FTO: variants seen among roughly 807,000 people sequenced by gnomAD.
The protein encoded by FTO is alpha-ketoglutarate-dependent dioxygenase FTO.
FTO carries 47 observed loss-of-function variants against 63.9 expected under a neutral mutation model. The ratio of observed to expected loss-of-function variants is 0.74; its 90% confidence interval spans 0.58 to 0.94. FTO has a LOEUF of 0.94. FTO is among the 40% of genes least tolerant of loss of function. The pLI, the probability that FTO is intolerant of heterozygous loss-of-function variation, is 0.00. For missense variants in FTO, 562 were observed against 618.1 expected, an observed-to-expected ratio of 0.91 and a Z score of 0.96; for synonymous variants, 207 against 224.4, an observed-to-expected ratio of 0.92 and a Z score of 0.69.
intron 8 of FTO, chr16:53,991,682 C>G (rs572305066): frequency 1.3e-5 from 2 of 152,246 alleles, no homozygotes; most frequent in East Asian, 3.9e-4. Flanking sequence ...TGGAGGATCA[C>G]CTGTAGGCTT....
chr16:53,850,864 C>G (rs1280761679), intron 4 of FTO, among the ~76,000 whole-genome samples: 1 of 152,040 alleles, frequency 6.6e-6, no homozygotes, highest in East Asian at 1.9e-4. Flanking sequence ...TCTGAACGTA[C>G]TAAAATACAT....
At chr16:54,110,332 C>T (rs935908913) in intron 8 of FTO, among the ~76,000 whole-genome samples, 1 of 152,168 alleles carries the variant, frequency 6.6e-6, no homozygotes, top group Non-Finnish European at 1.5e-5. Flanking sequence ...AAACACATTA[C>T]TCTTCTTGGG....
chr16:53,804,479 T>C (rs568769557), intron 1 of FTO, among the ~76,000 whole-genome samples: 2 of 152,320 alleles, frequency 1.3e-5, no homozygotes, highest in East Asian at 3.9e-4. Context: ...TTACTTTTAC[T>C]GTGCCATATT....
chr16:53,939,895 A>C (rs7205426), intron 8 of FTO, among the ~76,000 whole-genome samples: 98,217 of 152,032 alleles, frequency 0.65, 33,660 homozygotes, highest in African/African-American at 0.89. Flanking sequence ...GGACAGTAAT[A>C]AATTGATGGA....
chr16:53,942,591 T>C (rs1016144171), intron 8 of FTO, among the ~76,000 whole-genome samples: 2 of 152,222 alleles, frequency 1.3e-5, no homozygotes, highest in Non-Finnish European at 1.5e-5. Flanking sequence ...TGGCTTCCAG[T>C]CTGTAGGCAG....
chr16:53,704,877 A>G (rs34657208), intron 1 of FTO, among the ~76,000 whole-genome samples: 11,790 of 152,258 alleles, frequency 0.077, 843 homozygotes, highest in Admixed American at 0.16. Context: ...TGCAAGATAG[A>G]TATTATACAG....
intron 8 of FTO, among the ~76,000 whole-genome samples, chr16:53,983,230 C>A (rs1269141610): frequency 6.6e-6 from 1 of 151,994 alleles, no homozygotes; most frequent in East Asian, 1.9e-4. Context: ...TGATACTCAA[C>A]TTTTTTAACA....
At chr16:54,087,983 T>C (rs1407875409) in intron 8 of FTO, among the ~76,000 whole-genome samples, 1 of 152,228 alleles carries the variant, frequency 6.6e-6, no homozygotes, top group Non-Finnish European at 1.5e-5. Flanking sequence ...GCAGCTAAGG[T>C]ATTTAGTTCT....
At chr16:53,950,640 CAGA>C (rs1209898197) in intron 8 of FTO, among the ~76,000 whole-genome samples, 1 of 152,122 alleles carries the variant, frequency 6.6e-6, no homozygotes, top group African/African-American at 2.4e-5. Flanking sequence ...AGAGAGTGCC[CAGA>C]AGAACTAATA....
At chr16:53,727,012 T>G (rs1298413572) in intron 1 of FTO, among the ~76,000 whole-genome samples, 1 of 152,156 alleles carries the variant, frequency 6.6e-6, no homozygotes, top group Non-Finnish European at 1.5e-5. Context: ...AAAATCAGAG[T>G]GCTGAATATA....
chr16:53,884,842 T>A (rs1211542046), intron 6 of FTO, among the ~76,000 whole-genome samples: 1 of 152,222 alleles, frequency 6.6e-6, no homozygotes, highest in Non-Finnish European at 1.5e-5. Context: ...GTAAGTATCA[T>A]GAAAACTTTG....
chr16:53,951,922 A>G (rs1469564762), intron 8 of FTO, among the ~76,000 whole-genome samples: 2 of 152,298 alleles, frequency 1.3e-5, no homozygotes, highest in African/African-American at 4.8e-5. Flanking sequence ...CAAAGTTTAT[A>G]AAATGCTGGC....
At chr16:54,033,834 G>T (rs1465768391) in intron 8 of FTO, among the ~76,000 whole-genome samples, 9 of 151,994 alleles carry the variant, frequency 5.9e-5, no homozygotes, top group Admixed American at 5.9e-4. Context: ...AATAAATAAA[G>T]CTCAGATTCA....
At chr16:53,838,368 T>C (rs2079365140) in intron 3 of FTO, among the ~76,000 whole-genome samples, 2 of 152,166 alleles carry the variant, frequency 1.3e-5, no homozygotes, top group African/African-American at 4.8e-5. Flanking sequence ...TAGAGTGCAG[T>C]GGCACTATCT....
intron 4 of FTO, among the ~76,000 whole-genome samples, chr16:53,852,838 A>G (rs1437478792): frequency 6.6e-6 from 1 of 151,962 alleles, no homozygotes. Context: ...TTTTACTCTT[A>G]CTGATAGAAG....
chr16:53,743,690 C>A (rs2076580315), intron 1 of FTO, among the ~76,000 whole-genome samples: 1 of 151,370 alleles, frequency 6.6e-6, no homozygotes, highest in Admixed American at 6.6e-5. Flanking sequence ...AATGATTGCA[C>A]TATTAATATT....
intron 8 of FTO, among the ~76,000 whole-genome samples, chr16:53,944,322 A>G (rs2082606789): frequency 6.6e-6 from 1 of 152,202 alleles, no homozygotes; most frequent in South Asian, 2.1e-4. Context: ...AAGTGTTCTC[A>G]TAAGACTCTC....
At chr16:53,891,959 G>T (rs1017524097) in intron 7 of FTO, among the ~76,000 whole-genome samples, 1 of 152,182 alleles carries the variant, frequency 6.6e-6, no homozygotes, top group East Asian at 1.9e-4. Flanking sequence ...TCTCCTCAGC[G>T]TGTCTTGGGA....
chr16:53,863,416 G>A (rs1348705135), intron 4 of FTO, among the ~76,000 whole-genome samples: 1 of 152,198 alleles, frequency 6.6e-6, no homozygotes, highest in African/African-American at 2.4e-5. Flanking sequence ...ACTTGAAGGT[G>A]GAAGAAGATG....
Sources: gnomAD v4.1 joint callset for allele counts (sites outside exome capture counted in the v4.1 genomes callset) on GRCh38, gnomAD v4.1.1 for gene constraint, MANE v1.5 for transcripts, NCBI Gene and HGNC (gene_info 2026-07-23, HGNC 2026-07-21) for gene names.